WNT7A: variants seen among roughly 807,000 people sequenced by gnomAD.
WNT7A encodes the protein Wnt family member 7A.
A neutral mutation model predicts 28.2 loss-of-function variants in WNT7A; 16 were observed. The observed-to-expected ratio is 0.57, with a 90% CI of 0.38 to 0.86. The LOEUF (loss-of-function observed/expected upper bound fraction) is 0.86. WNT7A is among the 40% of genes least tolerant of loss of function. The pLI, the probability that WNT7A is intolerant of heterozygous loss-of-function variation, is 0.00. For missense variants in WNT7A, 411 were observed against 489.7 expected, an observed-to-expected ratio of 0.84 and a Z score of 1.52; for synonymous variants, 190 against 195.9, an observed-to-expected ratio of 0.97 and a Z score of 0.25.
rs575789769 is a variant in WNT7A, at chr3:13,818,351, C to CGAAA, written c.*592_*593insTTTC. 2.5e-5 allele frequency: 2 copies of CGAAA among 79,954 alleles called. No individual in the cohort carries two copies. The highest frequency in any genetic ancestry group is 9.4e-4 in the South Asian group (2 of 2,124). The allele number at this position is 79,954 out of a possible 1,614,324, so 5.0% of individuals were successfully genotyped here. ...TTTCTGGATAAGTAGCAGCAAACAG[C>CGAAA]AAAAAAAAAAAAAAAAATGTGTGTG... is the stretch of plus-strand genomic sequence containing the variant. On this transcript the variant is annotated 3_prime_UTR_variant, in exon 4 of 4. Transcript: ENST00000285018.
At chr3:13,860,262 G>T (rs746643862) in intron 2 of WNT7A, among the ~76,000 whole-genome samples, 1 of 152,104 alleles carries the variant, frequency 6.6e-6, no homozygotes. Flanking sequence ...CTAGAAACTG[G>T]CCAGAACTGG....
chr3:13,865,990 A>T (rs1436227350), intron 2 of WNT7A, among the ~76,000 whole-genome samples: 1 of 152,202 alleles, frequency 6.6e-6, no homozygotes, highest in East Asian at 1.9e-4. Context: ...GCTGTCTTGG[A>T]CAGGATGGTC....
intron 2 of WNT7A, among the ~76,000 whole-genome samples, chr3:13,866,318 C>T (rs1194545915): frequency 6.6e-6 from 1 of 152,242 alleles, no homozygotes; most frequent in Non-Finnish European, 1.5e-5. Flanking sequence ...TCCTGTGTGC[C>T]AGGCACAGTT....
chr3:13,864,966 C>G (rs763029327), intron 2 of WNT7A, among the ~76,000 whole-genome samples: 2 of 152,200 alleles, frequency 1.3e-5, no homozygotes, highest in Non-Finnish European at 2.9e-5. Context: ...GAGGATGTGC[C>G]TCTTCTGTAC....
intron 3 of WNT7A, among the ~76,000 whole-genome samples, chr3:13,824,907 T>C (rs1694169404): frequency 6.6e-6 from 1 of 152,204 alleles, no homozygotes; most frequent in South Asian, 2.1e-4. Context: ...ACTGGTTATG[T>C]AAATTACGGC....
chr3:13,875,102 T>C lies in WNT7A; in HGVS notation c.143A>G (p.Gln48Arg). 5.0e-6 allele frequency: 8 copies of C among 1,614,230 alleles called. No homozygotes were observed. The highest frequency in any genetic ancestry group is 6.8e-6 in the Non-Finnish European group (8 of 1,180,042). ...CNKIPGLAPR[Q>R]RAICQSRPDA... ...GGGCCGGCTCTGGCAGATCGCCCGCTGTCTGGGAGCCAGGCCTGGGATCTT... is the reference window on the plus strand; with the variant it reads ...GGGCCGGCTCTGGCAGATCGCCCGCCGTCTGGGAGCCAGGCCTGGGATCTT... The change falls in exon 2 of 4, where the codon CAG (glutamine) becomes CGG (arginine). Residue 48 changes from glutamine to arginine, a missense_variant. By Grantham distance (43) the Gln-to-Arg change is conservative (BLOSUM62 1). Transcript: ENST00000285018.
chr3:13,847,332 C>A (rs899167417), intron 3 of WNT7A, among the ~76,000 whole-genome samples: 5 of 152,230 alleles, frequency 3.3e-5, no homozygotes, highest in African/African-American at 1.2e-4. Context: ...TCCAGCTCAG[C>A]TCCCCGACCC....
intron 2 of WNT7A, among the ~76,000 whole-genome samples, chr3:13,864,775 T>G (rs983949828): frequency 6.6e-6 from 1 of 152,220 alleles, no homozygotes; most frequent in African/African-American, 2.4e-5. Context: ...ATACTTATAT[T>G]GTGGATATAT....
At chr3:13,834,257 A>T (rs1394918748) in intron 3 of WNT7A, among the ~76,000 whole-genome samples, 1 of 152,116 alleles carries the variant, frequency 6.6e-6, no homozygotes, top group African/African-American at 2.4e-5. Flanking sequence ...GGAGATACAC[A>T]GTCATGTGTG....
intron 2 of WNT7A, among the ~76,000 whole-genome samples, chr3:13,856,972 A>G (rs13070683): frequency 1.7e-5 from 2 of 120,748 alleles, no homozygotes; most frequent in Non-Finnish European, 3.3e-5. Flanking sequence ...GAAGAAGGAG[A>G]AGAAGAAGAA....
chr3:13,857,654 C>T (rs1401368591), intron 2 of WNT7A, among the ~76,000 whole-genome samples: 1 of 151,990 alleles, frequency 6.6e-6, no homozygotes, highest in Non-Finnish European at 1.5e-5. Flanking sequence ...CCTAGAAGAG[C>T]AAAGAGAAAG....
intron 3 of WNT7A, among the ~76,000 whole-genome samples, chr3:13,821,744 T>C (rs1694112662): frequency 3.3e-5 from 5 of 152,150 alleles, no homozygotes; most frequent in Admixed American, 3.3e-4. Flanking sequence ...TAGGAGCCCA[T>C]CCACCAATAT....
intron 1 of WNT7A, 142 bp downstream of exon 1, chr3:13,879,603 CA>C: frequency 1.1e-6 from 1 of 881,276 alleles, no homozygotes; most frequent in African/African-American, 1.7e-5. Context: ...TTTGTGCGTC[CA>C]CCGCTCCCAC....
chr3:13,868,585 AG>A (rs1559306913), intron 2 of WNT7A, among the ~76,000 whole-genome samples: 239 of 15,654 alleles, frequency 0.015, 34 homozygotes, highest in Middle Eastern at 0.1. Flanking sequence ...AGAGAGAGAG[AG>A]AGAGGGAGAA....
intron 2 of WNT7A, among the ~76,000 whole-genome samples, chr3:13,871,631 G>C (rs1468526352): frequency 6.6e-6 from 1 of 151,844 alleles, no homozygotes; most frequent in African/African-American, 2.4e-5. Flanking sequence ...CTGGCCCTTA[G>C]TTTGTCACTC....
At chr3:13,820,322 C>A (rs74776791) in intron 3 of WNT7A, among the ~76,000 whole-genome samples, 1,568 of 152,192 alleles carry the variant, frequency 0.01, 42 homozygotes, top group Admixed American at 0.055. Context: ...TTTATTAACC[C>A]CCTGCACACA....
rs575908899 is a variant in WNT7A, at chr3:13,879,893, A to T, written c.-77T>A. 360 of 1,229,952 alleles carry T rather than the reference A, an allele frequency of 2.9e-4. 4 individuals carry two copies. The South Asian group carries it at 8.0e-3, about 27-fold the overall frequency. The allele number at this position is 1,229,952 out of a possible 1,614,324, so 76.2% of individuals were successfully genotyped here. On this transcript the variant is annotated 5_prime_UTR_variant, in exon 1 of 4. Coordinates refer to ENST00000285018, the MANE Select transcript of WNT7A (RefSeq NM_004625.4). ...CCGGCCCCGGCGGGGCAATCAACAT[A>T]GCCCGCCCGGGAGGCGCGAGCCGAG...
intron 2 of WNT7A, among the ~76,000 whole-genome samples, chr3:13,870,700 G>A (rs12632968): frequency 0.49 from 74,958 of 152,160 alleles, 19,254 homozygotes; most frequent in East Asian, 0.75. Context: ...GCTAGAGAAA[G>A]GCCAATGCTC....
chr3:13,872,035 C>G (rs1049705822), intron 2 of WNT7A, among the ~76,000 whole-genome samples: 6 of 152,152 alleles, frequency 3.9e-5, no homozygotes, highest in African/African-American at 1.4e-4. Flanking sequence ...CTACTGTTCC[C>G]TTTGCCCGAC....
Sources: allele counts gnomAD v4.1 joint callset (sites outside exome capture counted in the v4.1 genomes callset), GRCh38; gene constraint gnomAD v4.1.1; transcripts MANE v1.5; gene names NCBI Gene and HGNC (gene_info 2026-07-23, HGNC 2026-07-21).